HADH: variants seen among roughly 807,000 people sequenced by gnomAD.
HADH encodes hydroxyacyl-CoA dehydrogenase, also known as hydroxyacyl-coenzyme A dehydrogenase, mitochondrial.
HADH carries 24 observed loss-of-function variants against 32.2 expected under a neutral mutation model. The ratio of observed to expected loss-of-function variants is 0.75; its 90% CI spans 0.54 to 1.05. The LOEUF (loss-of-function observed/expected upper bound fraction) is 1.05, where lower values mean the gene tolerates loss of function less well. Ranked by LOEUF, HADH falls within the 50% of genes least tolerant of loss-of-function variation. HADH has a pLI of 0.00. For missense variants in HADH, 350 were observed against 397.1 expected, an observed-to-expected ratio of 0.88 and a Z score of 1.01; for synonymous variants, 139 against 152.5, an observed-to-expected ratio of 0.91 and a Z score of 0.65.
At position 108,004,558 on chromosome 4, in the gene HADH, A is replaced by G. The variant is rs1578247897; in HGVS notation, c.133-5201A>G. On this transcript the variant is annotated intron_variant, in intron 1 of 7. Coordinates refer to ENST00000309522, the MANE Select transcript of HADH (RefSeq NM_005327.7). The stretch of plus-strand genomic sequence containing the variant: ...GTTCTGTTTGTAGCCTCAAATCAAC[A>G]TGTAACCAAAAGCTGTGAATGAATA... 3.8e-6 allele frequency: 4 copies of G among 1,060,788 alleles called. No homozygotes were observed. The South Asian group carries it at 4.4e-5, about 12-fold the overall frequency. The allele number at this position is 1,060,788 out of a possible 1,614,324, so 65.7% of individuals were successfully genotyped here.
intron 4 of HADH, among the ~76,000 whole-genome samples, chr4:108,020,111 G>A (rs566430222): frequency 1.3e-5 from 2 of 152,312 alleles, no homozygotes; most frequent in East Asian, 3.9e-4. Flanking sequence ...CTGACCCCAT[G>A]TAATGGTGCC....
chr4:108,032,306 T>C, intron 6 of HADH: 2 of 1,539,468 alleles, frequency 1.3e-6, no homozygotes, highest in Non-Finnish European at 1.8e-6. Flanking sequence ...ACATTGATCC[T>C]TGTCGTAGTC....
intron 1 of HADH, among the ~76,000 whole-genome samples, chr4:108,000,149 G>A (rs779861407): frequency 6.6e-6 from 1 of 152,168 alleles, no homozygotes; most frequent in Non-Finnish European, 1.5e-5. Context: ...AGGTCTCTCC[G>A]TACTATCTTG....
chr4:107,992,951 C>T (rs545980894), intron 1 of HADH, among the ~76,000 whole-genome samples: 1 of 152,122 alleles, frequency 6.6e-6, no homozygotes, highest in East Asian at 1.9e-4. Flanking sequence ...CCTGTCTCTA[C>T]TAAAAATACA....
intron 5 of HADH, chr4:108,023,837 T>C (rs1735975521): frequency 2.4e-6 from 1 of 415,420 alleles, no homozygotes; most frequent in Admixed American, 3.6e-5. Context: ...GGGACTGCTC[T>C]CTGTCCTGGC....
chr4:108,033,536 A>C (rs1736351514), intron 7 of HADH, among the ~76,000 whole-genome samples: 1 of 152,168 alleles, frequency 6.6e-6, no homozygotes, highest in Non-Finnish European at 1.5e-5. Context: ...TTACAAATAT[A>C]GCACAGACAG....
At chr4:107,992,967 A>G (rs766902840) in intron 1 of HADH, among the ~76,000 whole-genome samples, 10 of 152,092 alleles carry the variant, frequency 6.6e-5, no homozygotes, top group Non-Finnish European at 1.0e-4. Context: ...ATACAAAAAA[A>G]TTAGCCAGCA....
At chr4:108,019,701 T>A in intron 4 of HADH, 35 bp downstream of exon 4, 1 of 1,612,948 alleles carries the variant, frequency 6.2e-7, no homozygotes, top group Non-Finnish European at 8.5e-7. Context: ...GTCTGCCCGC[T>A]CTGCCAGCTC....
At chr4:108,032,794 C>G (rs1040619494) in intron 6 of HADH, 2 of 330,036 alleles carry the variant, frequency 6.1e-6, no homozygotes, top group Admixed American at 8.9e-5. Flanking sequence ...CCCAGACTGG[C>G]CAAATGGTGA....
At chr4:108,032,514 A>C in intron 6 of HADH, 1 of 580,758 alleles carries the variant, frequency 1.7e-6, no homozygotes, top group Non-Finnish European at 3.2e-6. Flanking sequence ...TCTTTTTAAG[A>C]AAGTTTATTT....
intron 1 of HADH, among the ~76,000 whole-genome samples, chr4:107,994,081 C>T (rs528814489): frequency 1.3e-5 from 2 of 152,122 alleles, no homozygotes; most frequent in Non-Finnish European, 2.9e-5. Context: ...CAGTGGGCTC[C>T]CTGGGAACGG....
At chr4:108,034,127 C>T (rs1010549623) in intron 7 of HADH, 112 bp from the exon 8 acceptor site, 28 of 806,410 alleles carry the variant, frequency 3.5e-5, no homozygotes, top group African/African-American at 1.9e-4. Flanking sequence ...GGCGCCATGC[C>T]TGGGGGGCTC....
At chr4:108,008,698 G>C (rs2735563) in intron 1 of HADH, among the ~76,000 whole-genome samples, 1 of 152,138 alleles carries the variant, frequency 6.6e-6, no homozygotes, top group Non-Finnish European at 1.5e-5. Flanking sequence ...GTGTCATCGA[G>C]GTTCCAAAGC....
At chr4:108,032,123 C>T in intron 6 of HADH, 1 of 279,556 alleles carries the variant, frequency 3.6e-6, no homozygotes, top group Non-Finnish European at 6.2e-6. Flanking sequence ...TAACATTTTT[C>T]CCTCTTTTCT....
At chr4:108,010,591 A>G (rs900855322) in intron 2 of HADH, among the ~76,000 whole-genome samples, 2 of 152,236 alleles carry the variant, frequency 1.3e-5, no homozygotes, top group African/African-American at 2.4e-5. Context: ...AAAAGTACAC[A>G]TAAGGCATTT....
chr4:108,015,687 C>T (rs924384031), intron 3 of HADH, among the ~76,000 whole-genome samples: 1 of 152,130 alleles, frequency 6.6e-6, no homozygotes, highest in Non-Finnish European at 1.5e-5. Context: ...GTCCCAGATG[C>T]GTGTAGAATT....
chr4:108,011,143 G>A (rs1206385697), intron 2 of HADH, among the ~76,000 whole-genome samples: 4 of 152,082 alleles, frequency 2.6e-5, no homozygotes, highest in African/African-American at 9.7e-5. Flanking sequence ...CACCACTCCC[G>A]GCCAACTTCA....
rs551889217 is a variant in HADH at position 108,034,635 on chromosome 4, A to G, written c.*278A>G. The G allele has an allele frequency of 2.1e-5, 8 of 383,370 alleles. No individual in the cohort carries two copies. The highest frequency in any genetic ancestry group is 1.7e-4 in the South Asian group (8 of 47,400). The allele number at this position is 383,370 out of a possible 1,614,324, so 23.7% of individuals were successfully genotyped here. ...GCCTTGGAGCAAACATGTTTTTTGA[A>G]CCTTGTCATTTTTGTGAAGAATTGC... On this transcript the variant is annotated 3_prime_UTR_variant, in exon 8 of 8. Coordinates refer to ENST00000309522, the MANE Select transcript of HADH (RefSeq NM_005327.7).
At chr4:108,003,585 A>T (rs1412038735) in intron 1 of HADH, among the ~76,000 whole-genome samples, 2 of 152,130 alleles carry the variant, frequency 1.3e-5, no homozygotes, top group Admixed American at 1.3e-4. Flanking sequence ...ATTAAGGAGG[A>T]TCCTTTTCTT....
Sources: gnomAD v4.1 joint callset for allele counts (sites outside exome capture counted in the v4.1 genomes callset) on GRCh38, gnomAD v4.1.1 for gene constraint, MANE v1.5 for transcripts, NCBI Gene and HGNC (gene_info 2026-07-23, HGNC 2026-07-21) for gene names.